The following BRCC3 variants were observed in gnomAD, a reference collection of about 807,000 sequenced individuals.
BRCC3 encodes the protein lys-63-specific deubiquitinase BRCC36.
A neutral mutation model predicts 28.0 loss-of-function variants in BRCC3; 15 were observed. The ratio of observed to expected loss-of-function variants is 0.54; its 90% confidence interval spans 0.36 to 0.82. The LOEUF is 0.82. Ranked by LOEUF, BRCC3 falls within the 40% of genes least tolerant of loss-of-function variation. The pLI is 0.01. For missense variants in BRCC3, 109 were observed against 225.9 expected, an observed-to-expected ratio of 0.48 and a Z score of 3.32; for synonymous variants, 66 against 80.3, an observed-to-expected ratio of 0.82 and a Z score of 0.95.
rs999212306 is a variant in BRCC3, at chrX:155,122,513, A to G, written c.*1309A>G. ...CCAGCAGTTGTGCTCCTGGACATTC[A>G]TTCCAGAGAAATGAAAACCTATATT... On this transcript the variant is annotated 3_prime_UTR_variant, in exon 11 of 11. Transcript: ENST00000330045. The G allele has an allele frequency of 8.9e-6, 1 of 112,170 alleles. No individual in the cohort carries two copies. Among genetic ancestry groups the G allele is most frequent in the Non-Finnish European group, 1.9e-5 (1 of 53,217 alleles). The allele number at this position is 112,170 out of a possible 1,213,427, so 9.2% of individuals were successfully genotyped here.
chrX:155,100,180 A>G (rs2074238203), intron 7 of BRCC3, among the ~76,000 whole-genome samples: 1 of 111,338 alleles, frequency 9.0e-6, no homozygotes, highest in Non-Finnish European at 1.9e-5. Flanking sequence ...TTTTTCCTGT[A>G]CCATTTGACA....
At chrX:155,083,116 G>A (rs1428409759) in intron 5 of BRCC3, among the ~76,000 whole-genome samples, 5 of 112,393 alleles carry the variant, frequency 4.4e-5, no homozygotes, top group Non-Finnish European at 9.4e-5. Flanking sequence ...ATTAACAAAT[G>A]TGAGTCAAAT....
intron 7 of BRCC3, among the ~76,000 whole-genome samples, chrX:155,097,869 G>A (rs1602787711): frequency 8.9e-6 from 1 of 111,794 alleles, no homozygotes; most frequent in South Asian, 3.8e-4. Flanking sequence ...GGTGGCAGAC[G>A]CCTGTGGTCC....
intron 3 of BRCC3, among the ~76,000 whole-genome samples, chrX:155,074,944 A>G: frequency 8.9e-6 from 1 of 112,553 alleles, no homozygotes. Context: ...CCACAAAAAA[A>G]GAAATATCAT....
At chrX:155,105,159 C>CAA (rs1179336684) in intron 7 of BRCC3, among the ~76,000 whole-genome samples, 3 of 112,151 alleles carry the variant, frequency 2.7e-5, no homozygotes, top group Non-Finnish European at 5.6e-5. Flanking sequence ...TTCTAAATGG[C>CAA]AATCTACCTG....
In BRCC3 at chrX:155,075,306, G is replaced by GTC. The variant is rs2074027809; in HGVS notation, c.196-1863_196-1862insCT. 5.8e-5 allele frequency among the ~76,000 whole-genome samples: 3 copies of GTC among 51,328 alleles called. No homozygotes were observed. In the African/African-American group the frequency reaches 1.4e-3, roughly 24 times the overall value. The allele number at this position is 51,328 out of a possible 115,157, so 44.6% of individuals were successfully genotyped here. A position where few individuals can be genotyped will look rare whatever the true frequency, so the allele number is the denominator to read the frequency against. ...CCCACTCTTTCCCCTGGCCCTTCTT[G>GTC]TTCTTCCCCACACTAAATGTGGCCA... is the stretch of plus-strand genomic sequence containing the variant. On this transcript the variant is annotated intron_variant, in intron 3 of 10. Coordinates refer to ENST00000330045, the MANE Select transcript of BRCC3 (RefSeq NM_001018055.3).
chrX:155,072,464 C>T lies in BRCC3; in HGVS notation c.140+121C>T, dbSNP rs141426279. Reference sequence around the variant, plus strand: ...CTTAAATTAATTACCATTATCACTCCGGGGCTCCCTTAATGATACAACCTT... The same window carrying T: ...CTTAAATTAATTACCATTATCACTCTGGGGCTCCCTTAATGATACAACCTT... On this transcript the variant is annotated intron_variant, in intron 2 of 10. Coordinates refer to ENST00000330045, the MANE Select transcript of BRCC3 (RefSeq NM_001018055.3). 2.7e-3 allele frequency: 1,398 copies of T among 521,689 alleles called. 13 individuals are homozygous for T. The highest frequency in any genetic ancestry group is 0.025 in the African/African-American group (1,074 of 42,389). 43.0% of individuals were successfully genotyped at this position (521,689 alleles called of 1,213,427 possible). A position where few individuals can be genotyped will look rare whatever the true frequency, so the allele number is the denominator to read the frequency against.
At chrX:155,109,098 C>T (rs2074303421) in intron 7 of BRCC3, among the ~76,000 whole-genome samples, 1 of 111,410 alleles carries the variant, frequency 9.0e-6, no homozygotes, top group African/African-American at 3.3e-5. Context: ...GCTGCCTTGC[C>T]ACTTTGCCTT....
chrX:155,087,644 A>G (rs1026267787), intron 5 of BRCC3, among the ~76,000 whole-genome samples: 23 of 111,816 alleles, frequency 2.1e-4, no homozygotes, highest in African/African-American at 7.2e-4. Context: ...GGCCACACCA[A>G]TATTTGGAGA....
In BRCC3 at chrX:155,082,088, A is replaced by C. The variant is rs1557294245; in HGVS notation, c.403+3385A>C. 3.6e-5 allele frequency among the ~76,000 whole-genome samples: 4 copies of C among 112,197 alleles called. No homozygotes were observed. The East Asian group carries it at 1.1e-3, about 31-fold the overall frequency. On this transcript the variant is annotated intron_variant, in intron 5 of 10. Coordinates refer to ENST00000330045, the MANE Select transcript of BRCC3 (RefSeq NM_001018055.3). ...ACAAGCTGCAAACCTAAAGACTTGA[A>C]CAAAAACTAACAAACTAGGTTAAGC...
chrX:155,106,358 G>T (rs1056130715), intron 7 of BRCC3, among the ~76,000 whole-genome samples: 27 of 111,213 alleles, frequency 2.4e-4, no homozygotes, highest in Admixed American at 1.5e-3. Context: ...GAATTCTTTT[G>T]TTCTTTGAGT....
At chrX:155,076,414 A>G (rs1557293638) in intron 3 of BRCC3, among the ~76,000 whole-genome samples, 1 of 111,102 alleles carries the variant, frequency 9.0e-6, no homozygotes. Context: ...AAAACAAAAA[A>G]AAAACTCCCT....
chrX:155,086,999 CGTT>C (rs2074135680), intron 5 of BRCC3, among the ~76,000 whole-genome samples: 1 of 111,789 alleles, frequency 8.9e-6, no homozygotes, highest in Non-Finnish European at 1.9e-5. Context: ...AGGTAGATAG[CGTT>C]GTGTTTGGAC....
intron 5 of BRCC3, among the ~76,000 whole-genome samples, chrX:155,080,909 C>G (rs2074080184): frequency 8.9e-6 from 1 of 112,149 alleles, no homozygotes; most frequent in African/African-American, 3.2e-5. Context: ...GACACCAAAG[C>G]ATTTATTTGT....
rs782583239 is a variant in BRCC3, at chrX:155,071,533, G to A, written c.6G>A (p.Ala2=). The part of the protein sequence containing the change: M[A]VQVVQAVQAV... ...GTGAGAAGGGTCGGGCCAAGATGGC[G>A]GTGCAGGTGGTGCAGGCGGTGCAGG... is the stretch of plus-strand genomic sequence containing the variant. Residue 2 remains alanine, a synonymous_variant, in exon 1 of 11, where the codon GCG becomes GCA. Coordinates refer to ENST00000330045, the MANE Select transcript of BRCC3 (RefSeq NM_001018055.3). The A allele has an allele frequency of 4.2e-6, 5 of 1,201,408 alleles. No homozygotes were observed. Among genetic ancestry groups the A allele is most frequent in the East Asian group, 6.0e-5 (2 of 33,369 alleles).
chrX:155,078,770 C>T, intron 5 of BRCC3, 67 bp downstream of exon 5: 2 of 830,128 alleles, frequency 2.4e-6, no homozygotes, highest in Non-Finnish European at 3.4e-6. Flanking sequence ...TTTTCCATTA[C>T]ATAGGGTATG....
At chrX:155,108,626 G>A (rs984741132) in intron 7 of BRCC3, among the ~76,000 whole-genome samples, 1 of 111,819 alleles carries the variant, frequency 8.9e-6, no homozygotes, top group African/African-American at 3.2e-5. Context: ...TTTTAATTTG[G>A]ATTTCCCCAG....
chrX:155,085,295 A>G (rs2074114875), intron 5 of BRCC3, among the ~76,000 whole-genome samples: 1 of 112,855 alleles, frequency 8.9e-6, no homozygotes. Flanking sequence ...ATTTCTTAGG[A>G]ATGGTGCTGT....
chrX:155,120,778 G>C (rs1202445855), intron 10 of BRCC3, among the ~76,000 whole-genome samples: 2 of 111,562 alleles, frequency 1.8e-5, no homozygotes, highest in Non-Finnish European at 3.8e-5. Flanking sequence ...TATCTGCCTA[G>C]GAGTTTCCAT....
Sources: gnomAD v4.1 joint callset for allele counts (sites outside exome capture counted in the v4.1 genomes callset) on GRCh38, gnomAD v4.1.1 for gene constraint, MANE v1.5 for transcripts, NCBI Gene and HGNC (gene_info 2026-07-23, HGNC 2026-07-21) for gene names.